Variants in NEMP1 observed in about 807,000 individuals in gnomAD.
The protein encoded by NEMP1 is transmembrane protein 194.
A neutral mutation model predicts 53.7 loss-of-function variants in NEMP1; 29 were observed. That is an observed-to-expected ratio of 0.54 (90% confidence interval 0.40 to 0.74). NEMP1 has a LOEUF of 0.74. Ranked by LOEUF, NEMP1 falls within the 30% of genes least tolerant of loss-of-function variation. NEMP1 has a pLI of 0.00. For synonymous variants in NEMP1, 193 were observed against 192.9 expected, an observed-to-expected ratio of 1.00 and a Z score of 0.00; for missense variants, 477 against 528.6, an observed-to-expected ratio of 0.90 and a Z score of 0.96.
intron 2 of NEMP1, among the ~76,000 whole-genome samples, chr12:57,071,277 T>A (rs1018568799): frequency 2.4e-4 from 37 of 152,208 alleles, no homozygotes; most frequent in African/African-American, 8.9e-4. Flanking sequence ...ACTAAAAATG[T>A]TTTCCGTAAT....
chr12:57,069,745 T>C (rs1440056263), intron 3 of NEMP1, among the ~76,000 whole-genome samples: 1 of 151,428 alleles, frequency 6.6e-6, no homozygotes, highest in Non-Finnish European at 1.5e-5. Flanking sequence ...TGCCCAACAA[T>C]ACCACCTACT....
intron 8 of NEMP1, 96 bp downstream of exon 8, chr12:57,060,676 G>T: frequency 7.7e-7 from 1 of 1,295,584 alleles, no homozygotes. Context: ...GGAAAACAAA[G>T]GTCACAAGTG....
chr12:57,073,217 G>A (rs2136509528), intron 1 of NEMP1, among the ~76,000 whole-genome samples: 1 of 151,622 alleles, frequency 6.6e-6, no homozygotes, highest in African/African-American at 2.4e-5. Flanking sequence ...ACTGCAGTGG[G>A]GCTATCTTGG....
chr12:57,061,682 A>G (rs1474826763), intron 7 of NEMP1, among the ~76,000 whole-genome samples: 2 of 143,994 alleles, frequency 1.4e-5, no homozygotes, highest in African/African-American at 5.2e-5. Flanking sequence ...AACAAGAGCA[A>G]AACTCCATCT....
At chr12:57,062,267 G>A (rs1375684724) in intron 7 of NEMP1, among the ~76,000 whole-genome samples, 1 of 151,268 alleles carries the variant, frequency 6.6e-6, no homozygotes, top group African/African-American at 2.5e-5. Flanking sequence ...ATCACCTGAG[G>A]TCAGGAGTTT....
chr12:57,086,496 G>C (rs1351326080), intron 1 of NEMP1, among the ~76,000 whole-genome samples: 2 of 142,744 alleles, frequency 1.4e-5, no homozygotes, highest in Non-Finnish European at 3.0e-5. Context: ...GAAAATTTTT[G>C]TATTTGTCCC....
In NEMP1 at chr12:57,056,686, AAAC is replaced by A. The variant is rs1166455529; in HGVS notation, c.*3190_*3192del. 2 of 152,090 alleles carry A rather than the reference AAAC, an allele frequency of 1.3e-5. No homozygotes were observed. Among genetic ancestry groups the A allele is most frequent in the Non-Finnish European group, 2.9e-5 (2 of 67,992 alleles). 9.4% of individuals were successfully genotyped at this position (152,090 alleles called of 1,614,324 possible). A position where few individuals can be genotyped will look rare whatever the true frequency, so the allele number is the denominator to read the frequency against. ...GAGCCCATCTTGTTTTTTTTTTCTAAAACAACAAAAAGACTAAGGACAATTACA... is the reference window on the plus strand; with the variant it reads ...GAGCCCATCTTGTTTTTTTTTTCTAAAACAAAAAGACTAAGGACAATTACA... On this transcript the variant is annotated 3_prime_UTR_variant, in exon 9 of 9. Transcript: ENST00000300128.
intron 5 of NEMP1, 61 bp downstream of exon 5, chr12:57,064,585 G>A: frequency 7.6e-7 from 1 of 1,311,552 alleles, no homozygotes; most frequent in Non-Finnish European, 1.1e-6. Flanking sequence ...GATTACCCAG[G>A]AAAACAGTCC....
chr12:57,077,086 A>C (rs1208510569), intron 1 of NEMP1, among the ~76,000 whole-genome samples: 1 of 152,148 alleles, frequency 6.6e-6, no homozygotes, highest in Non-Finnish European at 1.5e-5. Flanking sequence ...TAATCCCAGC[A>C]CTTTGGGAGG....
At position 57,059,448 on chromosome 12, in the gene NEMP1, C is replaced by T. The variant is rs1356138423; in HGVS notation, c.*431G>A. ...AATAAAAGCTGGAGTGAAGGAGGCT[C>T]AGATTTGTGGATTTCTCTCTGGAAG... On this transcript the variant is annotated 3_prime_UTR_variant, in exon 9 of 9. Transcript: ENST00000300128. The T allele has an allele frequency of 1.3e-5, 2 of 154,512 alleles. No homozygotes were observed. The highest frequency in any genetic ancestry group is 1.3e-4 in the Admixed American group (2 of 15,358). 9.6% of individuals were successfully genotyped at this position (154,512 alleles called of 1,614,324 possible).
intron 7 of NEMP1, 112 bp from the exon 8 acceptor site, chr12:57,061,057 G>T: frequency 9.4e-7 from 1 of 1,066,250 alleles, no homozygotes; most frequent in Non-Finnish European, 1.3e-6. Context: ...AACATTAAGA[G>T]TCATCACTCC....
chr12:57,070,704 CCTT>C lies in NEMP1; in HGVS notation c.439_441del (p.Lys147del), dbSNP rs1472585804. On this transcript the variant is annotated inframe_deletion, in exon 3 of 9. Coordinates refer to ENST00000300128, the MANE Select transcript of NEMP1 (RefSeq NM_001130963.2). The stretch of plus-strand genomic sequence containing the variant: ...ATCACAATGACACTGTACTTGGTGT[CCTT>C]CTCTATAATCTCAACTTTGAGGCAG... The C allele has an allele frequency of 1.3e-6, 2 of 1,556,558 alleles. No homozygotes were observed. The highest frequency in any genetic ancestry group is 2.4e-5 in the South Asian group (2 of 84,868).
upstream of NEMP1, among the ~76,000 whole-genome samples, chr12:57,080,893 CA>C (rs60838518): frequency 0.068 from 5,879 of 86,854 alleles, 341 homozygotes; most frequent in African/African-American, 0.19. Context: ...TCTCTTGTCT[CA>C]AAAAAAAAAA....
At position 57,059,239 on chromosome 12, in the gene NEMP1, T is replaced by G. The variant is rs1419375039; in HGVS notation, c.*640A>C. On this transcript the variant is annotated 3_prime_UTR_variant, in exon 9 of 9. Coordinates refer to ENST00000300128, the MANE Select transcript of NEMP1 (RefSeq NM_001130963.2). ...GCTTAAAACAACAGCTCCTGGGGCT[T>G]TAATGGATAATCCATATTAATAAAT... 6 of 152,240 alleles carry G rather than the reference T, an allele frequency of 3.9e-5. No homozygotes were observed. The highest frequency in any genetic ancestry group is 1.5e-5 in the Non-Finnish European group (1 of 68,042). 9.4% of individuals were successfully genotyped at this position (152,240 alleles called of 1,614,324 possible).
At chr12:57,086,775 A>G (rs2033007101) in intron 1 of NEMP1, among the ~76,000 whole-genome samples, 1 of 152,190 alleles carries the variant, frequency 6.6e-6, no homozygotes, top group Admixed American at 6.5e-5. Context: ...GATTTTTTAA[A>G]TAGGGGCTCA....
Position 57,055,702 on chromosome 12 carries a change from C to T in NEMP1, c.*4177G>A, listed in dbSNP as rs2031491006. On this transcript the variant is annotated 3_prime_UTR_variant, in exon 9 of 9. Transcript: ENST00000300128. ...AACTATACCAAAAACTTTAAAAATA[C>T]ATTAAGACATTGTTCTTTTTTCTTA... The T allele has an allele frequency of 2.0e-5, 3 of 152,162 alleles. No homozygotes were observed. Among genetic ancestry groups the T allele is most frequent in the Non-Finnish European group, 1.5e-5 (1 of 68,028 alleles). 9.4% of individuals were successfully genotyped at this position (152,162 alleles called of 1,614,324 possible). A position where few individuals can be genotyped will look rare whatever the true frequency, so the allele number is the denominator to read the frequency against.
In NEMP1 at chr12:57,078,697, G is replaced by C. The variant is rs147724017; in HGVS notation, c.49C>G (p.Pro17Ala). The C allele has an allele frequency of 9.3e-6, 15 of 1,613,354 alleles. No individual in the cohort carries two copies. In the East Asian group the frequency reaches 2.9e-4, roughly 31 times the overall value. Residue 17 changes from proline to alanine, a missense_variant, in exon 1 of 9, where the codon CCC becomes GCC. Coordinates refer to ENST00000300128, the MANE Select transcript of NEMP1 (RefSeq NM_001130963.2). ...CCGCCCCCGACTCCCGAGCCCCAGG[G>C]CCCGGGACCAACTGCCGGCGAGACC... ...VAVSPAVGPGPWGSGVGGGGT... is the reference protein window; with the variant it reads ...VAVSPAVGPGAWGSGVGGGGT...
chr12:57,065,527 T>C (rs1031473590), intron 4 of NEMP1, among the ~76,000 whole-genome samples: 1 of 151,618 alleles, frequency 6.6e-6, no homozygotes. Flanking sequence ...TCATCTTTTT[T>C]TTTTTTTTTT....
intron 1 of NEMP1, among the ~76,000 whole-genome samples, chr12:57,084,553 T>G (rs1005559057): frequency 6.6e-6 from 1 of 152,226 alleles, no homozygotes. Context: ...CTTCAGTATT[T>G]TTCAAGCTGA....
Sources: allele counts gnomAD v4.1 joint callset (sites outside exome capture counted in the v4.1 genomes callset), GRCh38; gene constraint gnomAD v4.1.1; transcripts MANE v1.5; gene names NCBI Gene and HGNC (gene_info 2026-07-23, HGNC 2026-07-21).